The following RAB5A variants were observed in gnomAD, a reference collection of about 807,000 sequenced individuals.
The protein encoded by RAB5A is RAB5A, member RAS oncogene family.
Under a neutral mutation model 25.7 loss-of-function variants are expected in RAB5A, and 8 were observed. The observed-to-expected ratio is 0.31, with a 90% CI of 0.18 to 0.56. The LOEUF is 0.56. Ranked by LOEUF, RAB5A falls within the 20% of genes least tolerant of loss-of-function variation. The probability of loss-of-function intolerance (pLI) is 0.91; values close to 1 mark genes in which losing one functional copy is unlikely to be tolerated. For missense variants in RAB5A, 192 were observed against 259.7 expected (o/e 0.74, Z 1.79); for synonymous variants, 98 against 89.8 (o/e 1.09, Z -0.52).
chr3:19,975,565 A>G (rs767141189), intron 2 of RAB5A, 36 bp from the exon 3 acceptor site: 9 of 1,595,420 alleles, frequency 5.6e-6, no homozygotes, highest in Non-Finnish European at 7.7e-6. Context: ...ACATTTGGAG[A>G]AAAATGATTG....
chr3:19,970,848 T>G, intron 2 of RAB5A: 1 of 300,944 alleles, frequency 3.3e-6, no homozygotes, highest in Non-Finnish European at 6.6e-6. Context: ...GATTTGAAGA[T>G]GTCACCTAAA....
intron 5 of RAB5A, among the ~76,000 whole-genome samples, chr3:19,981,204 A>T (rs1696919690): frequency 6.6e-6 from 1 of 152,204 alleles, no homozygotes. Flanking sequence ...CTCCAACTTT[A>T]CAGTGGTTTG....
At position 19,975,084 on chromosome 3, in the gene RAB5A, C is replaced by T. The variant is rs527599807; in HGVS notation, c.164-517C>T. The stretch of plus-strand genomic sequence containing the variant: ...CTACTAAAACTACAAAAATTAGCCA[C>T]GTGTGGTGGTGCATGCCTGTAGTCC... On this transcript the variant is annotated intron_variant, in intron 2 of 5. Transcript: ENST00000273047. 2.0e-5 allele frequency among the ~76,000 whole-genome samples: 3 copies of T among 152,064 alleles called. No individual in the cohort carries two copies. The South Asian group carries it at 6.2e-4, about 32-fold the overall frequency.
chr3:19,954,647 G>T (rs777012375), intron 2 of RAB5A, among the ~76,000 whole-genome samples: 1 of 151,986 alleles, frequency 6.6e-6, no homozygotes, highest in Non-Finnish European at 1.5e-5. Context: ...GCAAAACCCC[G>T]TCTTTACAAA....
At chr3:19,964,385 T>TA (rs1196304221) in intron 2 of RAB5A, among the ~76,000 whole-genome samples, 1 of 152,190 alleles carries the variant, frequency 6.6e-6, no homozygotes, top group African/African-American at 2.4e-5. Flanking sequence ...GTCATTTTTT[T>TA]AAAAATACCC....
intron 2 of RAB5A, among the ~76,000 whole-genome samples, chr3:19,968,414 C>T (rs183139369): frequency 6.6e-6 from 1 of 152,172 alleles, no homozygotes; most frequent in South Asian, 2.1e-4. Flanking sequence ...TTATTATACT[C>T]TAGCCAAACT....
intron 5 of RAB5A, among the ~76,000 whole-genome samples, chr3:19,983,165 C>T (rs1370160095): frequency 6.6e-6 from 1 of 151,728 alleles, no homozygotes; most frequent in Admixed American, 6.6e-5. Context: ...GGTGAAACCC[C>T]GTCTCTACTA....
intron 5 of RAB5A, among the ~76,000 whole-genome samples, chr3:19,981,778 G>A (rs1005189262): frequency 2.0e-5 from 3 of 152,154 alleles, no homozygotes; most frequent in African/African-American, 7.2e-5. Context: ...GAGCTTGGCA[G>A]AGGTAAAGCC....
At chr3:19,974,009 A>G (rs572593653) in intron 2 of RAB5A, among the ~76,000 whole-genome samples, 1 of 152,312 alleles carries the variant, frequency 6.6e-6, no homozygotes, top group South Asian at 2.1e-4. Context: ...CCAATTTGGA[A>G]ATAGGGCTTG....
intron 2 of RAB5A, among the ~76,000 whole-genome samples, chr3:19,972,949 A>C (rs1222177650): frequency 6.6e-6 from 1 of 152,224 alleles, no homozygotes; most frequent in African/African-American, 2.4e-5. Context: ...CTGCAAGTTG[A>C]AAATATTAAG....
chr3:19,985,101 A>AT lies in RAB5A; in HGVS notation c.*1280dup, dbSNP rs953256435. ...ACTTGTACATTTATGATAATGCAGA[A>AT]TTAGGAAAACGGTTCACCAGTGTTT... On this transcript the variant is annotated 3_prime_UTR_variant, in exon 6 of 6. Transcript: ENST00000273047. 6.2e-6 allele frequency: 2 copies of AT among 321,486 alleles called. No homozygotes were observed. Among genetic ancestry groups the AT allele is most frequent in the African/African-American group, 4.4e-5 (2 of 45,896 alleles). 19.9% of individuals were successfully genotyped at this position (321,486 alleles called of 1,614,324 possible).
chr3:19,966,878 C>G (rs1031144134), intron 2 of RAB5A, among the ~76,000 whole-genome samples: 1 of 152,152 alleles, frequency 6.6e-6, no homozygotes, highest in Non-Finnish European at 1.5e-5. Flanking sequence ...GATCACAGCA[C>G]ACTGCAGCCT....
chr3:19,978,273 T>A (rs1559492674), intron 4 of RAB5A, 37 bp from the exon 5 acceptor site: 1 of 1,335,152 alleles, frequency 7.5e-7, no homozygotes, highest in Non-Finnish European at 1.1e-6. Context: ...TTCCAAGAGA[T>A]ATATCTCATA....
intron 2 of RAB5A, among the ~76,000 whole-genome samples, chr3:19,961,860 C>G (rs1330245442): frequency 6.6e-6 from 1 of 152,162 alleles, no homozygotes; most frequent in East Asian, 1.9e-4. Flanking sequence ...TACTGTAATA[C>G]ACTTTTTATT....
chr3:19,973,231 C>T (rs935045750), intron 2 of RAB5A, among the ~76,000 whole-genome samples: 1 of 152,126 alleles, frequency 6.6e-6, no homozygotes, highest in African/African-American at 2.4e-5. Flanking sequence ...GTCCTGGAAA[C>T]AGTCCTCCAC....
intron 2 of RAB5A, among the ~76,000 whole-genome samples, chr3:19,953,613 G>A (rs1418103811): frequency 2.0e-5 from 3 of 151,984 alleles, no homozygotes; most frequent in Admixed American, 6.6e-5. Context: ...TCACCATGTC[G>A]GTCGGGTTGG....
At chr3:19,962,425 G>A (rs1219710866) in intron 2 of RAB5A, among the ~76,000 whole-genome samples, 1 of 149,034 alleles carries the variant, frequency 6.7e-6, no homozygotes, top group Non-Finnish European at 1.5e-5. Context: ...AAAATTAACC[G>A]GGCATGGTGG....
chr3:19,966,190 T>C (rs1324150694), intron 2 of RAB5A, among the ~76,000 whole-genome samples: 2 of 152,162 alleles, frequency 1.3e-5, no homozygotes, highest in African/African-American at 2.4e-5. Flanking sequence ...CACTAAACAA[T>C]AACTACCCCT....
At chr3:19,949,529 G>A (rs1352996886) in intron 1 of RAB5A, among the ~76,000 whole-genome samples, 1 of 152,136 alleles carries the variant, frequency 6.6e-6, no homozygotes, top group African/African-American at 2.4e-5. Flanking sequence ...ATATGAGGTA[G>A]CTAAATGAAA....
Sources: allele counts gnomAD v4.1 joint callset (sites outside exome capture counted in the v4.1 genomes callset), GRCh38; gene constraint gnomAD v4.1.1; transcripts MANE v1.5; gene names NCBI Gene and HGNC (gene_info 2026-07-23, HGNC 2026-07-21).